Variants in ADD1 observed in about 807,000 individuals in gnomAD.
ADD1 encodes the protein alpha-adducin.
In ADD1, 24 loss-of-function variants were observed where a neutral mutation model predicts 80.5. That is an observed-to-expected ratio of 0.30 (90% CI 0.22 to 0.42). The LOEUF is 0.42. Ranked by LOEUF, ADD1 falls within the 10% of genes least tolerant of loss-of-function variation. The probability of loss-of-function intolerance (pLI) is 1.00; values close to 1 mark genes in which losing one functional copy is unlikely to be tolerated. For missense variants in ADD1, 948 were observed against 1,019.0 expected (o/e 0.93, Z 0.95); for synonymous variants, 373 against 393.8 (o/e 0.95, Z 0.63).
At chr4:2,908,401 G>A in intron 11 of ADD1, 114 bp from the exon 12 acceptor site, 1 of 877,732 alleles carries the variant, frequency 1.1e-6, no homozygotes, top group Non-Finnish European at 1.8e-6. Flanking sequence ...GGGGCAGTGG[G>A]AGAGCTGAAA....
At chr4:2,870,079 A>G (rs1730186080) in intron 1 of ADD1, among the ~76,000 whole-genome samples, 1 of 152,234 alleles carries the variant, frequency 6.6e-6, no homozygotes, top group Admixed American at 6.5e-5. Context: ...TTAGGGATTC[A>G]AAAGTAAATC....
intron 1 of ADD1, among the ~76,000 whole-genome samples, chr4:2,852,143 T>TTTCTTTCTTTCTTTCC (rs1727201672): frequency 1.5e-5 from 1 of 68,382 alleles, no homozygotes; most frequent in Non-Finnish European, 2.9e-5. Context: ...GCCTCTTTTC[T>TTTCTTTCTTTCTTTCC]TTCTTTCTTT....
chr4:2,860,300 A>G (rs1728663018), intron 1 of ADD1, among the ~76,000 whole-genome samples: 1 of 152,176 alleles, frequency 6.6e-6, no homozygotes, highest in Non-Finnish European at 1.5e-5. Flanking sequence ...AATTGACGTG[A>G]TTTTGGAAAC....
chr4:2,905,221 C>T, intron 10 of ADD1, 113 bp downstream of exon 10: 1 of 945,070 alleles, frequency 1.1e-6, no homozygotes, highest in Non-Finnish European at 1.6e-6. Flanking sequence ...AGCGAACCTT[C>T]CTTATTCACT....
intron 13 of ADD1, among the ~76,000 whole-genome samples, chr4:2,911,905 C>G (rs1434884040): frequency 2.6e-5 from 4 of 152,196 alleles, no homozygotes; most frequent in Non-Finnish European, 5.9e-5. Context: ...GCTGTGTTCT[C>G]CAACACCCTT....
At chr4:2,906,851 T>C (rs889402672) in intron 10 of ADD1, among the ~76,000 whole-genome samples, 8 of 152,236 alleles carry the variant, frequency 5.3e-5, no homozygotes, top group Admixed American at 3.9e-4. Context: ...TTGTTGCTTT[T>C]TTTAAAGTCG....
At chr4:2,875,765 A>G (rs746366560) in intron 1 of ADD1, 131 bp from the exon 2 acceptor site, 88 of 716,074 alleles carry the variant, frequency 1.2e-4, no homozygotes, top group South Asian at 2.6e-4. Flanking sequence ...CTCACAGGTC[A>G]TGGTTTCCAC....
At chr4:2,863,356 G>T (rs1469973561) in intron 1 of ADD1, among the ~76,000 whole-genome samples, 1 of 151,648 alleles carries the variant, frequency 6.6e-6, no homozygotes, top group Non-Finnish European at 1.5e-5. Context: ...ACTGTACAAG[G>T]CTTTACTTGG....
chr4:2,897,238 G>C (rs2109019965), intron 6 of ADD1, among the ~76,000 whole-genome samples: 1 of 152,074 alleles, frequency 6.6e-6, no homozygotes, highest in Non-Finnish European at 1.5e-5. Flanking sequence ...TAATGTTGCT[G>C]TCTATAGGTC....
rs749634662 is a variant in ADD1 at position 2,926,739 on chromosome 4, TTTG to T, written c.2047+633_2047+635del. 597 of 1,529,328 alleles carry T rather than the reference TTTG, an allele frequency of 3.9e-4. No homozygotes were observed. The highest frequency in any genetic ancestry group is 5.0e-4 in the Non-Finnish European group (560 of 1,113,800). 94.7% of individuals were successfully genotyped at this position (1,529,328 alleles called of 1,614,324 possible). A position where few individuals can be genotyped will look rare whatever the true frequency, so the allele number is the denominator to read the frequency against. The stretch of plus-strand genomic sequence containing the variant: ...GCGCTTTGCCTCATTCTCCTGCTTC[TTTG>T]TTGTTTATTAAGTTTTGTTTTCTGT... On this transcript the variant is annotated intron_variant, in intron 15 of 15. Transcript: ENST00000683351. The surrounding 1 kb of genome is among the most constrained non-coding windows in gnomAD (Gnocchi z 5.0).
chr4:2,907,871 G>T (rs771494242), intron 11 of ADD1, 27 bp downstream of exon 11: 1 of 1,590,370 alleles, frequency 6.3e-7, no homozygotes, highest in Non-Finnish European at 8.6e-7. Context: ...CACTCAGCGG[G>T]GGCTTGGGTG....
chr4:2,850,370 C>T (rs948006597), intron 1 of ADD1, among the ~76,000 whole-genome samples: 10 of 152,134 alleles, frequency 6.6e-5, no homozygotes, highest in African/African-American at 1.9e-4. Flanking sequence ...CAAGTTCAAG[C>T]GATTCTCCTG....
intron 10 of ADD1, 67 bp from the exon 11 acceptor site, chr4:2,907,676 T>A: frequency 7.7e-7 from 1 of 1,305,896 alleles, no homozygotes; most frequent in Non-Finnish European, 1.1e-6. Context: ...ATAAACTGAA[T>A]AGATTGGATG....
chr4:2,859,589 GTGAGACCC>G (rs936449447), intron 1 of ADD1, among the ~76,000 whole-genome samples: 45 of 152,210 alleles, frequency 3.0e-4, no homozygotes, highest in African/African-American at 8.7e-4. Flanking sequence ...CTTGGCAACC[GTGAGACCC>G]TGTCTCAAAA....
At position 2,928,550 on chromosome 4, in the gene ADD1, C is replaced by T. The variant is rs762158089; in HGVS notation, c.*27C>T. ...AGCCCTGCGCTAACACTGTCCTGTC[C>T]GGAGCGACCCTGGCTCTGCCAGCGT... On this transcript the variant is annotated 3_prime_UTR_variant, in exon 16 of 16. Coordinates refer to ENST00000683351, the MANE Select transcript of ADD1 (RefSeq NM_001354761.2). 37 of 1,592,434 alleles carry T rather than the reference C, an allele frequency of 2.3e-5. No individual in the cohort carries two copies. Among genetic ancestry groups the T allele is most frequent in the Admixed American group, 5.7e-5 (3 of 53,036 alleles).
chr4:2,928,085 T>G, intron 15 of ADD1, 86 bp from the exon 16 acceptor site: 1 of 1,209,448 alleles, frequency 8.3e-7, no homozygotes, highest in Admixed American at 2.2e-5. Flanking sequence ...AAAATGGCAG[T>G]TTCGTGTGTG....
At chr4:2,907,913 G>A in intron 11 of ADD1, 69 bp downstream of exon 11, 4 of 1,298,230 alleles carry the variant, frequency 3.1e-6, no homozygotes, top group Non-Finnish European at 3.4e-6. Context: ...CTGCTTTGGG[G>A]GGAGCGGGTG....
chr4:2,927,118 T>C (rs1711860092), intron 15 of ADD1, among the ~76,000 whole-genome samples: 1 of 152,212 alleles, frequency 6.6e-6, no homozygotes. Flanking sequence ...TGGACCCTCG[T>C]AAAGCAGTGT....
At chr4:2,887,116 C>T (rs530332576) in intron 4 of ADD1, among the ~76,000 whole-genome samples, 2 of 152,062 alleles carry the variant, frequency 1.3e-5, no homozygotes, top group East Asian at 1.9e-4. Context: ...GGCTTAATAC[C>T]GAGTAAAAAG....
Sources: gnomAD v4.1 joint callset for allele counts (sites outside exome capture counted in the v4.1 genomes callset) on GRCh38, gnomAD v4.1.1 for gene constraint, Gnocchi (gnomAD v3.1) non-coding constraint, MANE v1.5 for transcripts, NCBI Gene and HGNC (gene_info 2026-07-23, HGNC 2026-07-21) for gene names.